The following EPRS1 variants were observed in gnomAD, a reference collection of about 807,000 sequenced individuals.
The protein encoded by EPRS1 is glutamyl-prolyl-tRNA synthetase 1.
In EPRS1, 107 loss-of-function variants were observed where a neutral mutation model predicts 188.3. That is an observed-to-expected ratio of 0.57 (90% CI 0.49 to 0.67). The LOEUF (loss-of-function observed/expected upper bound fraction) is 0.67. EPRS1 is among the 30% of genes least tolerant of loss of function. The pLI, the probability that EPRS1 is intolerant of heterozygous loss-of-function variation, is 0.00. For synonymous variants in EPRS1, 596 were observed against 593.1 expected (o/e 1.00, Z -0.07); for missense variants, 1,577 against 1,802.2 (o/e 0.88, Z 2.26).
In EPRS1 at chr1:219,979,622, TAG is replaced by T; in HGVS notation, c.3712-9_3712-8del. The T allele has an allele frequency of 6.3e-7, 1 of 1,594,338 alleles. No homozygotes were observed. Among genetic ancestry groups the T allele is most frequent in the Non-Finnish European group, 8.6e-7 (1 of 1,163,100 alleles). ...AATGATGTGATGTTCCTCCCTAAAA[TAG>T]AGAGAGAAAAATAAGCTTCATTTTT... On this transcript the variant is annotated splice_polypyrimidine_tract_variant and splice_region_variant and intron_variant, in intron 26 of 31. Coordinates refer to ENST00000366923, the MANE Select transcript of EPRS1 (RefSeq NM_004446.3).
Position 219,996,181 on chromosome 1 carries a change from A to T in EPRS1, c.2541+802T>A, listed in dbSNP as rs115919741. ...ACATCAAGTAAGCCCATTTCACACT[A>T]GGTGCCACACCTACTTGGCTAAATG... On this transcript the variant is annotated intron_variant, in intron 18 of 31. Transcript: ENST00000366923. 3.4e-3 allele frequency among the ~76,000 whole-genome samples: 516 copies of T among 152,302 alleles called. 3 individuals are homozygous for T. Among genetic ancestry groups the T allele is most frequent in the African/African-American group, 0.012 (504 of 41,570 alleles).
At position 219,982,822 on chromosome 1, in the gene EPRS1, C is replaced by G; in HGVS notation, c.3323G>C (p.Gly1108Ala). 1.2e-6 allele frequency: 2 copies of G among 1,613,956 alleles called. No individual in the cohort carries two copies. Among genetic ancestry groups the G allele is most frequent in the Non-Finnish European group, 1.7e-6 (2 of 1,179,884 alleles). The stretch of plus-strand genomic sequence containing the variant: ...AATTGGTTCTGCCAGCTCGGTTTTG[C>G]CAGATCTTGTAACCCAAGCAACCTA... Reference protein sequence around the residue: ...APEVAWVTRSGKTELAEPIAI... With the variant: ...APEVAWVTRSAKTELAEPIAI... Residue 1108 changes from glycine to alanine, a missense_variant, in exon 23 of 32, where the codon GGC becomes GCC. Gly to Ala is a moderately conservative substitution (Grantham distance 60). Around this residue, in one of 3 missense-constraint regions of EPRS1, gnomAD observed 1,278 missense variants for 1,457.4 expected, o/e 0.88. Transcript: ENST00000366923.
chr1:220,008,000 G>A (rs907703046), intron 13 of EPRS1, among the ~76,000 whole-genome samples: 2 of 152,026 alleles, frequency 1.3e-5, no homozygotes, highest in African/African-American at 4.8e-5. Flanking sequence ...CCAGCTACTT[G>A]GGAGGCTGAG....
intron 16 of EPRS1, among the ~76,000 whole-genome samples, chr1:220,002,165 C>G: frequency 6.6e-6 from 1 of 151,608 alleles, no homozygotes; most frequent in Non-Finnish European, 1.5e-5. Context: ...CCTGTCTCTA[C>G]TTAAAAAATA....
At chr1:219,982,093 T>G (rs1485672711) in intron 23 of EPRS1, among the ~76,000 whole-genome samples, 1 of 152,140 alleles carries the variant, frequency 6.6e-6, no homozygotes, top group Non-Finnish European at 1.5e-5. Context: ...AAAACTGGTA[T>G]CACAATATTA....
At chr1:220,043,726 C>G (rs1662341255) in intron 1 of EPRS1, among the ~76,000 whole-genome samples, 1 of 152,178 alleles carries the variant, frequency 6.6e-6, no homozygotes, top group African/African-American at 2.4e-5. Context: ...CAGGAAATAT[C>G]AGACAACTTA....
chr1:219,978,686 G>C lies in EPRS1; in HGVS notation c.3943C>G (p.Leu1315Val). The C allele has an allele frequency of 1.2e-6, 2 of 1,611,698 alleles. No homozygotes were observed. Among genetic ancestry groups the C allele is most frequent in the East Asian group, 2.2e-5 (1 of 44,740 alleles). ...AGCGCTTCTTTGTCTTCTTCAGAAA[G>C]TGCATTGGTAATGCCACAAGGAATA... Reference protein sequence around the residue: ...VIIPCGITNALSEEDKEALIA... With the variant: ...VIIPCGITNAVSEEDKEALIA... The change falls in exon 28 of 32, where the codon CTT becomes GTT. Residue 1315 changes from leucine (L) to valine (V), a missense_variant. Coordinates refer to ENST00000366923, the MANE Select transcript of EPRS1 (RefSeq NM_004446.3).
chr1:220,020,908 A>G (rs1416331220), intron 9 of EPRS1, among the ~76,000 whole-genome samples: 1 of 142,392 alleles, frequency 7.0e-6, no homozygotes, highest in Non-Finnish European at 1.5e-5. Context: ...TTTTGGAGAC[A>G]GTCTCGCTCT....
intron 1 of EPRS1, 107 bp downstream of exon 1, chr1:220,046,236 C>A: frequency 7.2e-7 from 1 of 1,381,742 alleles, no homozygotes; most frequent in South Asian, 1.2e-5. Context: ...GTCCAACATC[C>A]CAGATGGTGA....
intron 1 of EPRS1, among the ~76,000 whole-genome samples, chr1:220,044,675 G>C: frequency 9.8e-6 from 1 of 102,212 alleles, no homozygotes; most frequent in Admixed American, 1.2e-4. Flanking sequence ...CAATGAGCTC[G>C]GTCTCCAAAA....
intron 13 of EPRS1, among the ~76,000 whole-genome samples, chr1:220,009,060 A>T (rs951697488): frequency 6.6e-6 from 1 of 152,228 alleles, no homozygotes; most frequent in African/African-American, 2.4e-5. Context: ...CAAATTTTAA[A>T]ATATTCAATA....
intron 6 of EPRS1, among the ~76,000 whole-genome samples, chr1:220,028,465 G>A (rs200415025): frequency 9.6e-5 from 3 of 31,388 alleles, no homozygotes; most frequent in Admixed American, 3.6e-4. Context: ...ACACACACAC[G>A]CGCACACACA....
At chr1:220,020,987 A>T (rs563537763) in intron 9 of EPRS1, among the ~76,000 whole-genome samples, 2 of 150,706 alleles carry the variant, frequency 1.3e-5, no homozygotes, top group East Asian at 2.0e-4. Flanking sequence ...GGTTCAAGTG[A>T]TTCTCAGCCT....
intron 12 of EPRS1, among the ~76,000 whole-genome samples, chr1:220,014,055 C>T (rs1008256117): frequency 6.6e-6 from 1 of 152,140 alleles, no homozygotes; most frequent in Non-Finnish European, 1.5e-5. Flanking sequence ...AGGCTGGGCA[C>T]AGTGGCTCAC....
intron 2 of EPRS1, among the ~76,000 whole-genome samples, chr1:220,035,954 C>T (rs1425051281): frequency 6.6e-6 from 1 of 152,098 alleles, no homozygotes; most frequent in Admixed American, 6.5e-5. Context: ...AATCCCGGCA[C>T]TTCGGGAGGC....
chr1:219,987,244 T>C lies in EPRS1; in HGVS notation c.2936A>G (p.Gln979Arg). 6.2e-7 allele frequency: 1 copy of C among 1,614,174 alleles called. No individual in the cohort carries two copies. Among genetic ancestry groups the C allele is most frequent in the Non-Finnish European group, 8.5e-7 (1 of 1,180,020 alleles). The part of the protein sequence containing the change: ...ENKSEKQNKP[Q>R]KQNDGQRKDP... ...TTTCCTTTGGCCATCATTTTGTTTC[T>C]GAGGCTTATTCTGCTTTTCAGATTT... Residue 979 changes from glutamine (Q) to arginine (R), a missense_variant, in exon 20 of 32, where the codon CAG becomes CGG. By Grantham distance (43) the Gln-to-Arg change is conservative. Coordinates refer to ENST00000366923, the MANE Select transcript of EPRS1 (RefSeq NM_004446.3).
intron 20 of EPRS1, 36 bp downstream of exon 20, chr1:219,987,106 T>TTCA: frequency 6.3e-7 from 1 of 1,578,594 alleles, no homozygotes; most frequent in South Asian, 1.2e-5. Flanking sequence ...ATTAATTCAC[T>TTCA]GCTTTGCTTC....
In EPRS1 at chr1:219,984,206, C is replaced by T. The variant is rs148272159; in HGVS notation, c.3090G>A (p.Gln1030=). Residue 1030 remains glutamine (Q), a splice_region_variant and synonymous_variant, in exon 21 of 32, where the codon CAG becomes CAA. Coordinates refer to ENST00000366923, the MANE Select transcript of EPRS1 (RefSeq NM_004446.3). ...AAAAATCAACTGAATGCATACTCAC[C>T]TGAGAATACCAATCAGCAAGATTTT... ...KEENLADWYS[Q]VITKSEMIEY... is the part of the protein sequence containing the mutation. 2.4e-5 allele frequency: 39 copies of T among 1,611,572 alleles called. No individual in the cohort carries two copies. In the African/African-American group the frequency reaches 4.9e-4, roughly 20 times the overall value.
At chr1:219,969,479 C>A (rs1337097954) in intron 30 of EPRS1, among the ~76,000 whole-genome samples, 2 of 152,082 alleles carry the variant, frequency 1.3e-5, no homozygotes, top group African/African-American at 4.8e-5. Flanking sequence ...CTCTACCTAT[C>A]TAAATAGTTA....
Sources: allele counts gnomAD v4.1 joint callset (sites outside exome capture counted in the v4.1 genomes callset), GRCh38; gene constraint gnomAD v4.1.1; regional missense constraint gnomAD v4.1.1; transcripts MANE v1.5; gene names NCBI Gene and HGNC (gene_info 2026-07-23, HGNC 2026-07-21).